TRIM69: variants seen among roughly 807,000 people sequenced by gnomAD.
TRIM69 encodes the protein tripartite motif containing 69.
Under a neutral mutation model 37.7 loss-of-function variants are expected in TRIM69, and 29 were observed. The observed-to-expected ratio is 0.77, with a 90% CI of 0.57 to 1.05. TRIM69 has a LOEUF of 1.05. TRIM69 is among the 50% of genes least tolerant of loss of function. The pLI is 0.00. For synonymous variants in TRIM69, 209 were observed against 212.4 expected, an observed-to-expected ratio of 0.98 and a Z score of 0.14; for missense variants, 596 against 579.9, an observed-to-expected ratio of 1.03 and a Z score of -0.28.
In TRIM69 at chr15:44,736,622, C is replaced by T. The variant is rs1356091578; in HGVS notation, c.-83C>T. 2 of 1,554,056 alleles carry T rather than the reference C, an allele frequency of 1.3e-6. No homozygotes were observed. Among genetic ancestry groups the T allele is most frequent in the East Asian group, 2.3e-5 (1 of 43,626 alleles). The stretch of plus-strand genomic sequence containing the variant: ...CCATTCCTTGAAAACTAAAAGGTCC[C>T]TGACTCCCAGTCTGCAGCCATCCTG... On this transcript the variant is annotated 5_prime_UTR_variant, in exon 1 of 7. Transcript: ENST00000329464.
intron 3 of TRIM69, chr15:44,758,359 G>A: frequency 1.8e-6 from 1 of 551,252 alleles, no homozygotes; most frequent in Non-Finnish European, 3.2e-6. Flanking sequence ...ATTTAATATG[G>A]CATTGGTTAC....
rs553430980 is a variant in TRIM69, at chr15:44,763,610, G to A, written c.962-3621G>A. The stretch of plus-strand genomic sequence containing the variant: ...TTATTTGAAATTTTGCTGCCCTGGA[G>A]ATTTGTCTCTTCTGGTTGGTAATTT... On this transcript the variant is annotated intron_variant, in intron 6 of 6. Coordinates refer to ENST00000329464, the MANE Select transcript of TRIM69 (RefSeq NM_182985.5). 7.9e-5 allele frequency among the ~76,000 whole-genome samples: 12 copies of A among 152,284 alleles called. No individual in the cohort carries two copies. In the South Asian group the frequency reaches 2.3e-3, roughly 29 times the overall value.
chr15:44,767,475 G>C lies in TRIM69; in HGVS notation c.1206G>C (p.Lys402Asn). 6.2e-7 allele frequency: 1 copy of C among 1,614,174 alleles called. No homozygotes were observed. Among genetic ancestry groups the C allele is most frequent in the East Asian group, 2.2e-5 (1 of 44,890 alleles). The change falls in exon 7 of 7, where the codon AAG becomes AAC. Residue 402 changes from lysine (K) to asparagine (N), a missense_variant. Transcript: ENST00000329464. Reference sequence around the variant, plus strand: ...TTGTCAGAGAATCCATCATTCGGAAGGGCAGCTGTCCTCTAACTCCTGAGC... The same window carrying C: ...TTGTCAGAGAATCCATCATTCGGAACGGCAGCTGTCCTCTAACTCCTGAGC... The part of the protein sequence containing the change: ...VGVVRESIIR[K>N]GSCPLTPEQG...
chr15:44,754,124 CT>C (rs66486757), intron 1 of TRIM69: 2,087 of 122,752 alleles, frequency 0.017, 48 homozygotes, highest in African/African-American at 0.052. Flanking sequence ...TTGGTCATTC[CT>C]TTTTTTTTTT....
chr15:44,766,480 C>G (rs1175035431), intron 6 of TRIM69, among the ~76,000 whole-genome samples: 1 of 152,168 alleles, frequency 6.6e-6, no homozygotes, highest in Non-Finnish European at 1.5e-5. Flanking sequence ...ACACAGGGGA[C>G]TGTTTTTAAT....
intron 1 of TRIM69, among the ~76,000 whole-genome samples, chr15:44,738,232 T>TG (rs1406787220): frequency 3.3e-5 from 1 of 30,110 alleles, no homozygotes; most frequent in Non-Finnish European, 1.2e-4. Flanking sequence ...CTAATTTTTG[T>TG]ATTATTATTT....
rs531063753 is a variant in TRIM69 at position 44,741,996 on chromosome 15, C to T, written c.6+5286C>T. ...GCCAGCATTATCCTTATACCAAAGC[C>T]GGGCAGAGACACAACCAAAAGAGAG... On this transcript the variant is annotated intron_variant, in intron 1 of 6. Transcript: ENST00000329464. Among the ~76,000 whole-genome samples the T allele has an allele frequency of 2.4e-3, 373 of 152,250 alleles. 3 individuals are homozygous for T. Among genetic ancestry groups the T allele is most frequent in the African/African-American group, 8.2e-3 (342 of 41,538 alleles).
chr15:44,761,556 C>T (rs185247192), intron 6 of TRIM69, among the ~76,000 whole-genome samples: 113 of 152,230 alleles, frequency 7.4e-4, no homozygotes, highest in African/African-American at 2.5e-3. Context: ...CCTCTGCCTC[C>T]GAAGCTCAAG....
chr15:44,745,477 A>G (rs1470637805), intron 1 of TRIM69, among the ~76,000 whole-genome samples: 1 of 152,224 alleles, frequency 6.6e-6, no homozygotes, highest in Non-Finnish European at 1.5e-5. Context: ...TTGTCAAAGT[A>G]TCGGATATTC....
At chr15:44,743,576 G>A (rs2087339125) in intron 1 of TRIM69, among the ~76,000 whole-genome samples, 1 of 152,058 alleles carries the variant, frequency 6.6e-6, no homozygotes, top group East Asian at 1.9e-4. Context: ...CTGACAAAGG[G>A]CTAATATCCA....
chr15:44,741,555 T>C (rs1354301277), intron 1 of TRIM69, among the ~76,000 whole-genome samples: 3 of 151,968 alleles, frequency 2.0e-5, no homozygotes, highest in African/African-American at 7.3e-5. Context: ...ATCAACAAAA[T>C]TGATAGACTG....
intron 6 of TRIM69, among the ~76,000 whole-genome samples, chr15:44,764,704 C>G (rs2087850329): frequency 6.6e-6 from 1 of 152,204 alleles, no homozygotes; most frequent in Non-Finnish European, 1.5e-5. Flanking sequence ...TGTAGTTTGC[C>G]TACTCTAGCT....
At chr15:44,765,111 A>G (rs1157136672) in intron 6 of TRIM69, among the ~76,000 whole-genome samples, 1 of 152,200 alleles carries the variant, frequency 6.6e-6, no homozygotes, top group African/African-American at 2.4e-5. Context: ...CAGTAGTTCC[A>G]GGCCAGTGAT....
Position 44,755,247 on chromosome 15 carries a change from T to C in TRIM69, c.354T>C (p.His118=). The part of the protein sequence containing the change: ...LLKGHPQCPE[H]GENLKLFSKP... ...AGGGCCATCCACAGTGCCCAGAGCA[T>C]GGAGAGAACCTGAAACTGTTCAGTA... Residue 118 remains histidine (H), a synonymous_variant, in exon 2 of 7, where the codon CAT becomes CAC. Coordinates refer to ENST00000329464, the MANE Select transcript of TRIM69 (RefSeq NM_182985.5). 1.9e-6 allele frequency: 3 copies of C among 1,614,176 alleles called. No individual in the cohort carries two copies. Among genetic ancestry groups the C allele is most frequent in the Non-Finnish European group, 2.5e-6 (3 of 1,180,034 alleles).
At chr15:44,740,995 T>C (rs1173275523) in intron 1 of TRIM69, among the ~76,000 whole-genome samples, 11 of 151,402 alleles carry the variant, frequency 7.3e-5, no homozygotes, top group East Asian at 1.9e-4. Flanking sequence ...CTCTCCACCC[T>C]AAATCAACAG....
At position 44,759,679 on chromosome 15, in the gene TRIM69, G is replaced by A. The variant is rs776273847; in HGVS notation, c.836+17G>A. The A allele has an allele frequency of 6.2e-7, 1 of 1,614,020 alleles. No homozygotes were observed. Among genetic ancestry groups the A allele is most frequent in the Non-Finnish European group, 8.5e-7 (1 of 1,179,946 alleles). On this transcript the variant is annotated intron_variant, in intron 5 of 6. Coordinates refer to ENST00000329464, the MANE Select transcript of TRIM69 (RefSeq NM_182985.5). The stretch of plus-strand genomic sequence containing the variant: ...CTTACATAGGTAAGTGTTTCCCTAT[G>A]GTACTATTAATATCATTCCTTGAGT...
intron 1 of TRIM69, among the ~76,000 whole-genome samples, chr15:44,748,055 C>T (rs543294670): frequency 1.3e-5 from 2 of 152,216 alleles, no homozygotes; most frequent in Admixed American, 6.5e-5. Flanking sequence ...CTTTGAATTC[C>T]CTGATTTCAC....
At chr15:44,759,192 A>G (rs1351488038) in intron 4 of TRIM69, among the ~76,000 whole-genome samples, 1 of 152,218 alleles carries the variant, frequency 6.6e-6, no homozygotes, top group African/African-American at 2.4e-5. Context: ...TTTGGCTCTC[A>G]GCAATCATAA....
At chr15:44,749,954 C>T (rs1191376726) in intron 1 of TRIM69, among the ~76,000 whole-genome samples, 1 of 152,114 alleles carries the variant, frequency 6.6e-6, no homozygotes, top group African/African-American at 2.4e-5. Context: ...ACTGTGGCTT[C>T]GATTTGAATT....
Sources: gnomAD v4.1 joint callset for allele counts (sites outside exome capture counted in the v4.1 genomes callset) on GRCh38, gnomAD v4.1.1 for gene constraint, MANE v1.5 for transcripts, NCBI Gene and HGNC (gene_info 2026-07-23, HGNC 2026-07-21) for gene names.